Variants in CAST observed in about 807,000 individuals in gnomAD.
CAST encodes the protein calpastatin, also known as MIR583 host.
A neutral mutation model predicts 119.6 loss-of-function variants in CAST; 76 were observed. The ratio of observed to expected loss-of-function variants is 0.64; its 90% CI spans 0.53 to 0.77. CAST has a LOEUF of 0.77. CAST is among the 30% of genes least tolerant of loss of function. The pLI is 0.00. For synonymous variants in CAST, 319 were observed against 331.6 expected (o/e 0.96, Z 0.41); for missense variants, 953 against 946.5 (o/e 1.01, Z -0.09).
the CAST span, among the ~76,000 whole-genome samples, chr5:96,412,008 A>G: frequency 3.7e-4 from 56 of 151,990 alleles, no homozygotes; most frequent in Non-Finnish European, 7.2e-4. Flanking sequence ...GAACAGTGCA[A>G]CCTAGTTACA....
At chr5:96,101,547 C>T in the CAST span, among the ~76,000 whole-genome samples, 1 of 152,184 alleles carries the variant, frequency 6.6e-6, no homozygotes. Flanking sequence ...ACAACAGTTC[C>T]CAGCTGCCTG....
the CAST span, among the ~76,000 whole-genome samples, chr5:96,258,163 C>T: frequency 6.6e-6 from 1 of 152,096 alleles, no homozygotes; most frequent in South Asian, 2.1e-4. Context: ...AAGTAAAGGC[C>T]ATGACATCGT....
At chr5:96,725,675 T>C (rs1759122576) in intron 4 of CAST, among the ~76,000 whole-genome samples, 1 of 152,230 alleles carries the variant, frequency 6.6e-6, no homozygotes, top group Admixed American at 6.5e-5. Context: ...TATAAGCTGC[T>C]TGTGTCTGTG....
upstream of CAST, among the ~76,000 whole-genome samples, chr5:96,660,734 C>T (rs918818670): frequency 1.4e-4 from 22 of 152,146 alleles, no homozygotes; most frequent in Admixed American, 1.2e-3. Context: ...GTTTAAATTA[C>T]TGTAGTGGTG....
the CAST span, among the ~76,000 whole-genome samples, chr5:96,113,629 G>T: frequency 6.6e-6 from 1 of 152,250 alleles, no homozygotes; most frequent in Admixed American, 6.5e-5. Flanking sequence ...CCTTTCAGCT[G>T]GAGTGGCTTT....
chr5:96,689,109 T>A (rs542308948), intron 2 of CAST, among the ~76,000 whole-genome samples: 1 of 152,196 alleles, frequency 6.6e-6, no homozygotes, highest in Non-Finnish European at 1.5e-5. Flanking sequence ...TACTGAAATA[T>A]TTTTAGTTCA....
the CAST span, among the ~76,000 whole-genome samples, chr5:96,133,974 C>A: frequency 6.6e-6 from 1 of 152,128 alleles, no homozygotes; most frequent in African/African-American, 2.4e-5. Context: ...GAGGTTTTAC[C>A]CCAAACAAGT....
intron 1 of CAST, among the ~76,000 whole-genome samples, chr5:96,666,901 A>G (rs763109021): frequency 2.6e-5 from 4 of 151,540 alleles, no homozygotes; most frequent in Non-Finnish European, 4.4e-5. Flanking sequence ...CAGCAGATAC[A>G]AAACTACTCT....
upstream of CAST, among the ~76,000 whole-genome samples, chr5:96,523,484 C>T (rs747985155): frequency 6.6e-6 from 1 of 152,202 alleles, no homozygotes; most frequent in Non-Finnish European, 1.5e-5. Flanking sequence ...CCCCAGTGAC[C>T]ACACTAAGCT....
At chr5:96,466,937 A>G in the CAST span, among the ~76,000 whole-genome samples, 1 of 152,146 alleles carries the variant, frequency 6.6e-6, no homozygotes. Flanking sequence ...GAATGGTTGT[A>G]CCAGTTTGCA....
At chr5:96,459,105 C>T in the CAST span, among the ~76,000 whole-genome samples, 1 of 152,106 alleles carries the variant, frequency 6.6e-6, no homozygotes, top group Non-Finnish European at 1.5e-5. Context: ...GTCCCCAGAT[C>T]GAGCAATATC....
Position 96,754,802 on chromosome 5 carries a change from C to T in CAST, c.1710+61C>T, listed in dbSNP as rs144702299. 1.3e-3 allele frequency: 1,227 copies of T among 952,238 alleles called. 17 individuals are homozygous for T. The African/African-American group carries it at 0.019, about 14-fold the overall frequency. 59.0% of individuals were successfully genotyped at this position (952,238 alleles called of 1,614,324 possible). A position where few individuals can be genotyped will look rare whatever the true frequency, so the allele number is the denominator to read the frequency against. On this transcript the variant is annotated intron_variant, in intron 22 of 31. Transcript: ENST00000675179. ...ATTCATACTGAATTCATACACAGAA[C>T]AAAGGTACTTGGGAACAGAACTGGA...
At position 96,598,198 on chromosome 5, in the gene CAST, G is replaced by C. The variant is rs1747087839; in HGVS notation, c.60+68318G>C. The stretch of plus-strand genomic sequence containing the variant: ...AGCTCTGGCTCCTCTGCCTAATGAG[G>C]GCTTACACTCAGCCTACAGGAAAAC... On this transcript the variant is annotated intron_variant, in intron 1 of 11. Transcript: ENST00000505143. 1.3e-5 allele frequency among the ~76,000 whole-genome samples: 2 copies of C among 152,146 alleles called. 1 individual carries two copies. The highest frequency in any genetic ancestry group is 4.8e-5 in the African/African-American group (2 of 41,412).
At chr5:96,394,925 G>T in the CAST span, 1 of 1,614,064 alleles carries the variant, frequency 6.2e-7, no homozygotes, top group Non-Finnish European at 8.5e-7. Flanking sequence ...GTTGTAGGAC[G>T]TGTACACACG....
At chr5:96,268,393 C>A in the CAST span, among the ~76,000 whole-genome samples, 1 of 152,106 alleles carries the variant, frequency 6.6e-6, no homozygotes, top group Non-Finnish European at 1.5e-5. Flanking sequence ...GGCAACATAG[C>A]AAAACCCCAT....
intron 16 of CAST, among the ~76,000 whole-genome samples, chr5:96,744,325 AGGCCTCATAATTAC>A (rs1033599566): frequency 9.9e-5 from 15 of 152,250 alleles, no homozygotes; most frequent in African/African-American, 3.6e-4. Flanking sequence ...ATGGCTAGGG[AGGCCTCATAATTAC>A]GGTGGAAAGT....
chr5:96,263,744 G>T, the CAST span, among the ~76,000 whole-genome samples: 1 of 152,142 alleles, frequency 6.6e-6, no homozygotes, highest in Non-Finnish European at 1.5e-5. Flanking sequence ...AATAAAAGAG[G>T]TTTAATTGAC....
the CAST span, among the ~76,000 whole-genome samples, chr5:96,012,784 C>A: frequency 6.6e-6 from 1 of 152,140 alleles, no homozygotes; most frequent in Admixed American, 6.6e-5. Context: ...TTTCCTCAAC[C>A]CTTGACTTGC....
At chr5:96,379,090 A>G in the CAST span, among the ~76,000 whole-genome samples, 1 of 152,248 alleles carries the variant, frequency 6.6e-6, no homozygotes, top group South Asian at 2.1e-4. Context: ...TTTCCTTAGG[A>G]TATTTTCTCA....
Sources: gnomAD v4.1 joint callset for allele counts (sites outside exome capture counted in the v4.1 genomes callset) on GRCh38, gnomAD v4.1.1 for gene constraint, MANE v1.5 for transcripts, NCBI Gene and HGNC (gene_info 2026-07-23, HGNC 2026-07-21) for gene names.